NOL11: variants seen among roughly 807,000 people sequenced by gnomAD.
NOL11 encodes nucleolar protein 11.
NOL11 carries 42 observed loss-of-function variants against 93.0 expected under a neutral mutation model. The ratio of observed to expected loss-of-function variants is 0.45; its 90% CI spans 0.35 to 0.58. The LOEUF (loss-of-function observed/expected upper bound fraction) is 0.58, where lower values mean the gene tolerates loss of function less well. Ranked by LOEUF, NOL11 falls within the 20% of genes least tolerant of loss-of-function variation. The pLI, the probability that NOL11 is intolerant of heterozygous loss-of-function variation, is 0.00. For synonymous variants in NOL11, 296 were observed against 293.7 expected (o/e 1.01, Z -0.08); for missense variants, 775 against 841.8 (o/e 0.92, Z 0.98).
rs961950883 is a variant in NOL11, at chr17:67,725,223, C to CT, written c.664+1036dup. On this transcript the variant is annotated intron_variant, in intron 6 of 17. Transcript: ENST00000253247. ...TTGGCATTGAATGGCCCCTCTGCTC[C>CT]TTTTTTCCAACCATTAGATTTAGTA... 2.2e-4 allele frequency among the ~76,000 whole-genome samples: 33 copies of CT among 152,162 alleles called. 1 individual carries two copies. Among genetic ancestry groups the CT allele is most frequent in the African/African-American group, 7.0e-4 (29 of 41,500 alleles).
chr17:67,738,816 T>C (rs1273324468), intron 14 of NOL11, 116 bp from the exon 15 acceptor site: 11 of 653,382 alleles, frequency 1.7e-5, no homozygotes, highest in South Asian at 1.9e-5. Context: ...AGAGCTCTTT[T>C]AGAGATGTAA....
At chr17:67,730,553 C>G (rs2055144715) in intron 7 of NOL11, among the ~76,000 whole-genome samples, 1 of 152,234 alleles carries the variant, frequency 6.6e-6, no homozygotes, top group African/African-American at 2.4e-5. Context: ...AGCCACTGCG[C>G]CCAGCTGTGT....
chr17:67,726,402 C>A, intron 6 of NOL11, 58 bp from the exon 7 acceptor site: 1 of 1,370,666 alleles, frequency 7.3e-7, no homozygotes, highest in Non-Finnish European at 9.8e-7. Flanking sequence ...GTACATTTAA[C>A]TGTAATAGAT....
chr17:67,728,654 A>G (rs919667095), intron 7 of NOL11, among the ~76,000 whole-genome samples: 12 of 152,130 alleles, frequency 7.9e-5, no homozygotes, highest in African/African-American at 2.7e-4. Flanking sequence ...ACAAGCAAAT[A>G]CTACTACTTA....
At position 67,729,641 on chromosome 17, in the gene NOL11, C is replaced by T. The variant is rs951679695; in HGVS notation, c.853+2993C>T. Reference sequence around the variant, plus strand: ...TCTCCCAGGCTGGAGTGCAGTTGCGCAATCTCGGCTCACTGCAAGCTCCGC... The same window carrying T: ...TCTCCCAGGCTGGAGTGCAGTTGCGTAATCTCGGCTCACTGCAAGCTCCGC... On this transcript the variant is annotated intron_variant, in intron 7 of 17. Coordinates refer to ENST00000253247, the MANE Select transcript of NOL11 (RefSeq NM_015462.5). 7.2e-5 allele frequency among the ~76,000 whole-genome samples: 11 copies of T among 151,906 alleles called. No individual in the cohort carries two copies. In the East Asian group the frequency reaches 2.1e-3, roughly 30 times the overall value.
At chr17:67,737,045 A>G in intron 10 of NOL11, 26 bp from the exon 11 acceptor site, 1 of 1,429,898 alleles carries the variant, frequency 7.0e-7, no homozygotes, top group East Asian at 2.3e-5. Context: ...TTGTTTTGTG[A>G]TCCTAATCAA....
chr17:67,737,135 CAACCAT>C lies in NOL11; in HGVS notation c.1211_1216del (p.Thr404_Ile405del). On this transcript the variant is annotated inframe_deletion, in exon 11 of 18. Coordinates refer to ENST00000253247, the MANE Select transcript of NOL11 (RefSeq NM_015462.5). Reference sequence around the variant, plus strand: ...GTTCCACCATCCAAACAACTTTTGTCAACCATAATGGTAAATAAATAATATTGAAAT... The same window carrying C: ...GTTCCACCATCCAAACAACTTTTGTCAATGGTAAATAAATAATATTGAAAT... 6.3e-7 allele frequency: 1 copy of C among 1,598,424 alleles called. No homozygotes were observed. The highest frequency in any genetic ancestry group is 8.6e-7 in the Non-Finnish European group (1 of 1,166,028).
chr17:67,725,191 T>C (rs1466610500), intron 6 of NOL11, among the ~76,000 whole-genome samples: 1 of 152,230 alleles, frequency 6.6e-6, no homozygotes, highest in Admixed American at 6.5e-5. Flanking sequence ...ACATAAACTG[T>C]CTATGCTTGG....
At chr17:67,735,836 T>C in intron 8 of NOL11, 64 bp from the exon 9 acceptor site, 2 of 1,371,984 alleles carry the variant, frequency 1.5e-6, no homozygotes, top group East Asian at 4.7e-5. Flanking sequence ...GTGATAAGGC[T>C]TTATTGAGTC....
Position 67,737,992 on chromosome 17 carries a change from T to G in NOL11, c.1529+20T>G, listed in dbSNP as rs1173867679. ...CTTGAGGTAAGTTAGACTCCAATGG[T>G]CCTTTTTCTTCACTACATTTATAAT... On this transcript the variant is annotated intron_variant, in intron 13 of 17. Coordinates refer to ENST00000253247, the MANE Select transcript of NOL11 (RefSeq NM_015462.5). 2 of 1,585,828 alleles carry G rather than the reference T, an allele frequency of 1.3e-6. No individual in the cohort carries two copies. Among genetic ancestry groups the G allele is most frequent in the Non-Finnish European group, 1.7e-6 (2 of 1,170,740 alleles).
chr17:67,737,451 G>A, intron 11 of NOL11, 57 bp from the exon 12 acceptor site: 1 of 1,396,280 alleles, frequency 7.2e-7, no homozygotes, highest in African/African-American at 1.4e-5. Context: ...GAAACGTTAA[G>A]TTCAGAGTGA....
In NOL11 at chr17:67,737,156, A is replaced by T. The variant is rs753326496; in HGVS notation, c.1218+11A>T. 8 of 1,499,570 alleles carry T rather than the reference A, an allele frequency of 5.3e-6. No homozygotes were observed. The highest frequency in any genetic ancestry group is 7.4e-6 in the Non-Finnish European group (8 of 1,076,924). 92.9% of individuals were successfully genotyped at this position (1,499,570 alleles called of 1,614,324 possible). ...TTGTCAACCATAATGGTAAATAAAT[A>T]ATATTGAAATATGAAAAATCAAACT... On this transcript the variant is annotated intron_variant, in intron 11 of 17. Coordinates refer to ENST00000253247, the MANE Select transcript of NOL11 (RefSeq NM_015462.5).
intron 7 of NOL11, among the ~76,000 whole-genome samples, chr17:67,734,130 T>G (rs916277988): frequency 6.6e-6 from 1 of 152,148 alleles, no homozygotes; most frequent in Non-Finnish European, 1.5e-5. Flanking sequence ...TTGTTGGGTG[T>G]TTTTAATTGT....
In NOL11 at chr17:67,743,746, T is replaced by C. The variant is rs565913198; in HGVS notation, c.2047T>C (p.Ser683Pro). Residue 683 changes from serine (S) to proline (P), a missense_variant, in exon 18 of 18, where the codon TCT becomes CCT. Ser to Pro is a moderately conservative substitution (Grantham distance 74, BLOSUM62 -1). Transcript: ENST00000253247. ...ACTCTGAAACTCTTTTCTTTAGATA[T>C]CTGTTTATTCTGAGCTCAACAAGAT... ...NLYKLVKSQI[S>P]VYSELNKIEV... 188 of 1,484,550 alleles carry C rather than the reference T, an allele frequency of 1.3e-4. 1 individual carries two copies. The South Asian group carries it at 2.4e-3, about 19-fold the overall frequency. 92.0% of individuals were successfully genotyped at this position (1,484,550 alleles called of 1,614,324 possible).
intron 6 of NOL11, 72 bp downstream of exon 6, chr17:67,724,265 A>T: frequency 1.1e-6 from 1 of 907,096 alleles, no homozygotes; most frequent in Non-Finnish European, 1.6e-6. Flanking sequence ...ATGTTTTTGA[A>T]TCGTAGACTT....
At chr17:67,737,484 A>C (rs763247074) in intron 11 of NOL11, 24 bp from the exon 12 acceptor site, 1 of 1,571,164 alleles carries the variant, frequency 6.4e-7, no homozygotes, top group Non-Finnish European at 8.6e-7. Flanking sequence ...TGCCAAACTG[A>C]ATTCTTTAAT....
At chr17:67,736,587 TAAA>T in intron 9 of NOL11, 76 bp from the exon 10 acceptor site, 1 of 870,894 alleles carries the variant, frequency 1.1e-6, no homozygotes. Context: ...TGGTTTTTTT[TAAA>T]TTGTTCTTTG....
chr17:67,738,678 TAAAA>T (rs201285179), intron 14 of NOL11: 2 of 362,758 alleles, frequency 5.5e-6, no homozygotes, highest in African/African-American at 2.2e-5. Flanking sequence ...ACATCAGATT[TAAAA>T]AAAAAAAAAA....
chr17:67,736,491 A>T lies in NOL11; in HGVS notation c.1055-175A>T, dbSNP rs1187845635. On this transcript the variant is annotated intron_variant, in intron 9 of 17. Coordinates refer to ENST00000253247, the MANE Select transcript of NOL11 (RefSeq NM_015462.5). The stretch of plus-strand genomic sequence containing the variant: ...ATCTGTTAGCTTAACGTTGTTGGAC[A>T]TACAGCCTTTTCACTATATTATGAT... The T allele has an allele frequency of 1.8e-5, 10 of 561,416 alleles. No individual in the cohort carries two copies. In the African/African-American group the frequency reaches 1.9e-4, roughly 11 times the overall value. The allele number at this position is 561,416 out of a possible 1,614,324, so 34.8% of individuals were successfully genotyped here. A position where few individuals can be genotyped will look rare whatever the true frequency, so the allele number is the denominator to read the frequency against.
Sources: gnomAD v4.1 joint callset for allele counts (sites outside exome capture counted in the v4.1 genomes callset) on GRCh38, gnomAD v4.1.1 for gene constraint, MANE v1.5 for transcripts, NCBI Gene and HGNC (gene_info 2026-07-23, HGNC 2026-07-21) for gene names.